TMEM68: variants seen among roughly 807,000 people sequenced by gnomAD.
The protein encoded by TMEM68 is DGAT1/2-independent enzyme synthesizing storage lipids.
A neutral mutation model predicts 36.9 loss-of-function variants in TMEM68; 25 were observed. The observed-to-expected ratio is 0.68, with a 90% CI of 0.49 to 0.95. The LOEUF is 0.95. Ranked by LOEUF, TMEM68 falls within the 40% of genes least tolerant of loss-of-function variation. The pLI is 0.00. For missense variants in TMEM68, 333 were observed against 392.0 expected, an observed-to-expected ratio of 0.85 and a Z score of 1.27; for synonymous variants, 131 against 124.4, an observed-to-expected ratio of 1.05 and a Z score of -0.35.
intron 4 of TMEM68, among the ~76,000 whole-genome samples, chr8:55,753,214 G>A (rs1449105221): frequency 6.6e-6 from 1 of 151,656 alleles, no homozygotes; most frequent in Admixed American, 6.6e-5. Context: ...TGCTAAAAAC[G>A]AAAAAAGTAG....
chr8:55,742,809 T>G (rs1563425585), intron 7 of TMEM68, among the ~76,000 whole-genome samples: 1 of 151,322 alleles, frequency 6.6e-6, no homozygotes, highest in Non-Finnish European at 1.5e-5. Context: ...TGTAGGGTTT[T>G]TTTTTTTTTG....
At chr8:55,768,768 C>T (rs958210334) in intron 1 of TMEM68, among the ~76,000 whole-genome samples, 4 of 151,870 alleles carry the variant, frequency 2.6e-5, no homozygotes, top group African/African-American at 9.7e-5. Flanking sequence ...ATGGCTTGAA[C>T]CCAGGAGGTG....
At chr8:55,755,016 C>T (rs916212596) in intron 4 of TMEM68, among the ~76,000 whole-genome samples, 8 of 147,696 alleles carry the variant, frequency 5.4e-5, no homozygotes, top group African/African-American at 1.0e-4. Flanking sequence ...GTAGTCTTCA[C>T]GGCTGGGTGC....
In TMEM68 at chr8:55,758,782, G is replaced by A. The variant is rs1011814897; in HGVS notation, c.326-2371C>T. On this transcript the variant is annotated intron_variant, in intron 3 of 7. Transcript: ENST00000434581. ...GATCGTGCCACTGCACTCCAGGCTG[G>A]GTGACAGTGCGAGACCCTGACTCTA... 3.9e-5 allele frequency among the ~76,000 whole-genome samples: 6 copies of A among 152,258 alleles called. No individual in the cohort carries two copies. In the East Asian group the frequency reaches 1.2e-3, roughly 29 times the overall value.
intron 1 of TMEM68, among the ~76,000 whole-genome samples, chr8:55,766,581 T>G (rs1159292389): frequency 6.6e-6 from 1 of 152,074 alleles, no homozygotes; most frequent in East Asian, 1.9e-4. Flanking sequence ...TTTCACCATG[T>G]TAGCCAGGAT....
chr8:55,761,426 C>T (rs1008066832), intron 3 of TMEM68: 1 of 152,154 alleles, frequency 6.6e-6, no homozygotes, highest in African/African-American at 2.4e-5. Flanking sequence ...AACTCCTCCT[C>T]CCTCAAGACT....
At chr8:55,750,910 T>C (rs1810412226) in intron 5 of TMEM68, 54 bp downstream of exon 5, 1 of 1,553,878 alleles carries the variant, frequency 6.4e-7, no homozygotes. Flanking sequence ...TACTTAACCA[T>C]TTATTTTAAA....
At chr8:55,745,220 G>A in intron 5 of TMEM68, 99 bp from the exon 6 acceptor site, 1 of 682,520 alleles carries the variant, frequency 1.5e-6, no homozygotes, top group South Asian at 2.7e-5. Flanking sequence ...TTAAGAAAGA[G>A]AAAAGGCACC....
At chr8:55,764,544 A>G (rs1421962557) in intron 1 of TMEM68, among the ~76,000 whole-genome samples, 1 of 152,258 alleles carries the variant, frequency 6.6e-6, no homozygotes, top group Non-Finnish European at 1.5e-5. Context: ...GGAGATGTAC[A>G]TATAAGAAAA....
chr8:55,767,521 C>G (rs945628126), intron 1 of TMEM68, among the ~76,000 whole-genome samples: 3 of 152,080 alleles, frequency 2.0e-5, no homozygotes, highest in Admixed American at 6.5e-5. Flanking sequence ...GCAGGAAGAT[C>G]AGGAGGAGGA....
intron 4 of TMEM68, among the ~76,000 whole-genome samples, chr8:55,752,354 G>A (rs1406951286): frequency 6.6e-6 from 1 of 151,920 alleles, no homozygotes; most frequent in Non-Finnish European, 1.5e-5. Context: ...TTGGGAAGAT[G>A]AGCGGGCAGA....
intron 6 of TMEM68, among the ~76,000 whole-genome samples, chr8:55,744,058 T>A (rs1388506125): frequency 6.6e-6 from 1 of 151,442 alleles, no homozygotes; most frequent in Non-Finnish European, 1.5e-5. Flanking sequence ...CTACTAGAGG[T>A]GAAAAAGTCT....
intron 7 of TMEM68, among the ~76,000 whole-genome samples, chr8:55,740,950 T>C (rs560542963): frequency 1.3e-5 from 2 of 152,238 alleles, no homozygotes; most frequent in African/African-American, 4.8e-5. Context: ...ATACGCCCCT[T>C]TGGCTGGGCG....
Position 55,740,203 on chromosome 8 carries a change from G to C in TMEM68, c.904C>G (p.Gln302Glu), listed in dbSNP as rs1347290612. 1 of 1,612,980 alleles carries C rather than the reference G, an allele frequency of 6.2e-7. No individual in the cohort carries two copies. Among genetic ancestry groups the C allele is most frequent in the Admixed American group, 1.7e-5 (1 of 59,872 alleles). ...CTTTGGTGCTTATCAATCAAAGCTT[G>C]AACAGCATTCTTCGTCTATTAAGAA... ...ELAEKTKNAV[Q>E]ALIDKHQRIP... The change falls in exon 8 of 8, where the codon CAA becomes GAA. Residue 302 changes from glutamine (Q) to glutamate (E), a missense_variant. Gln to Glu is a conservative substitution (Grantham distance 29). Transcript: ENST00000434581.
intron 4 of TMEM68, among the ~76,000 whole-genome samples, chr8:55,755,803 A>G (rs1050440066): frequency 1.3e-5 from 2 of 152,022 alleles, no homozygotes; most frequent in African/African-American, 2.4e-5. Flanking sequence ...AAAAATAACA[A>G]TACCTGCTTA....
At chr8:55,756,992 C>T (rs773469456) in intron 3 of TMEM68, among the ~76,000 whole-genome samples, 33 of 151,666 alleles carry the variant, frequency 2.2e-4, no homozygotes, top group Non-Finnish European at 4.1e-4. Flanking sequence ...GGGAAGGCAG[C>T]AATGATGGGA....
intron 4 of TMEM68, among the ~76,000 whole-genome samples, chr8:55,755,368 G>A (rs1810572144): frequency 6.6e-6 from 1 of 151,546 alleles, no homozygotes; most frequent in Non-Finnish European, 1.5e-5. Flanking sequence ...CCGGGTTCAA[G>A]TGATTCTCTT....
chr8:55,741,554 C>T (rs1810103271), intron 7 of TMEM68, among the ~76,000 whole-genome samples: 1 of 152,152 alleles, frequency 6.6e-6, no homozygotes, highest in African/African-American at 2.4e-5. Context: ...TGATGCATAC[C>T]ATCTGAAGTG....
chr8:55,761,186 T>C (rs1288631883), intron 3 of TMEM68: 2 of 152,222 alleles, frequency 1.3e-5, no homozygotes, highest in Non-Finnish European at 2.9e-5. Context: ...ATCATACTAC[T>C]CCCTGCTGAG....
Sources: gnomAD v4.1 joint callset for allele counts (sites outside exome capture counted in the v4.1 genomes callset) on GRCh38, gnomAD v4.1.1 for gene constraint, MANE v1.5 for transcripts, NCBI Gene and HGNC (gene_info 2026-07-23, HGNC 2026-07-21) for gene names.